Variants in FAM162A observed in about 807,000 individuals in gnomAD.
FAM162A encodes family with sequence similarity 162 member A.
In FAM162A, 23 loss-of-function variants were observed where a neutral mutation model predicts 21.8. That is an observed-to-expected ratio of 1.05 (90% CI 0.76 to 1.49). The LOEUF is 1.49. Ranked by LOEUF, FAM162A falls within the 40% of genes most tolerant of loss-of-function variation. The probability of loss-of-function intolerance (pLI) is 0.00; values close to 1 mark genes in which losing one functional copy is unlikely to be tolerated. For missense variants in FAM162A, 165 were observed against 186.4 expected (o/e 0.89, Z 0.67); for synonymous variants, 53 against 61.3 (o/e 0.86, Z 0.64).
chr3:122,395,680 A>G (rs1258971988), intron 1 of FAM162A, among the ~76,000 whole-genome samples: 2 of 152,206 alleles, frequency 1.3e-5, no homozygotes, highest in Non-Finnish European at 2.9e-5. Flanking sequence ...GAGATTGACA[A>G]GCTGATCCTC....
chr3:122,393,974 C>G (rs958517528), intron 1 of FAM162A, among the ~76,000 whole-genome samples: 1 of 152,106 alleles, frequency 6.6e-6, no homozygotes, highest in African/African-American at 2.4e-5. Context: ...TTAATTGGTT[C>G]ATCGTTCTTC....
intron 3 of FAM162A, among the ~76,000 whole-genome samples, chr3:122,405,229 G>A (rs76599189): frequency 0.12 from 18,537 of 152,218 alleles, 1,354 homozygotes; most frequent in East Asian, 0.32. Context: ...GACAAAGCTC[G>A]TGGAAGTTCC....
chr3:122,384,546 C>T (rs2075564550), intron 1 of FAM162A, among the ~76,000 whole-genome samples: 1 of 152,106 alleles, frequency 6.6e-6, no homozygotes, highest in African/African-American at 2.4e-5. Flanking sequence ...CTTAACTGCC[C>T]ACGCGCCTAC....
chr3:122,389,094 T>C (rs1033926168), intron 1 of FAM162A, among the ~76,000 whole-genome samples: 2 of 151,830 alleles, frequency 1.3e-5, no homozygotes, highest in Non-Finnish European at 2.9e-5. Context: ...AGGTCACTAA[T>C]GTTGGTAGAG....
Position 122,409,845 on chromosome 3 carries a change from G to T in FAM162A, c.*14G>T. 6.2e-7 allele frequency: 1 copy of T among 1,609,910 alleles called. No individual in the cohort carries two copies. Among genetic ancestry groups the T allele is most frequent in the African/African-American group, 1.3e-5 (1 of 74,942 alleles). ...AAAACAGAGTAGCAGAGGTATCCGTGTTGGCTGGATTTTGAAAATCCAGGA... is the reference window on the plus strand; with the variant it reads ...AAAACAGAGTAGCAGAGGTATCCGTTTTGGCTGGATTTTGAAAATCCAGGA... On this transcript the variant is annotated 3_prime_UTR_variant, in exon 5 of 5. Transcript: ENST00000477892.
chr3:122,386,482 G>GT (rs1188068072), intron 1 of FAM162A, among the ~76,000 whole-genome samples: 2 of 150,582 alleles, frequency 1.3e-5, no homozygotes, highest in African/African-American at 4.9e-5. Flanking sequence ...GAGCCCAGAA[G>GT]TTTGAGGCTG....
chr3:122,386,042 A>T (rs1483346406), intron 1 of FAM162A, among the ~76,000 whole-genome samples: 1 of 152,052 alleles, frequency 6.6e-6, no homozygotes, highest in African/African-American at 2.4e-5. Context: ...TAATTCTGGA[A>T]TTTTTGTGCT....
At chr3:122,406,109 A>C (rs1333336088) in intron 3 of FAM162A, among the ~76,000 whole-genome samples, 1 of 152,228 alleles carries the variant, frequency 6.6e-6, no homozygotes, top group African/African-American at 2.4e-5. Context: ...TTTTAAAAGT[A>C]ATATATGTTA....
At chr3:122,408,843 G>T (rs187678621) in intron 4 of FAM162A, among the ~76,000 whole-genome samples, 1 of 152,066 alleles carries the variant, frequency 6.6e-6, no homozygotes, top group African/African-American at 2.4e-5. Flanking sequence ...GTGTATTTTA[G>T]AGAGTTCTTC....
chr3:122,404,482 C>G lies in FAM162A; in HGVS notation c.263+119C>G, dbSNP rs189653852. The G allele has an allele frequency of 7.2e-4, 363 of 502,332 alleles. 1 individual carries two copies. Among genetic ancestry groups the G allele is most frequent in the African/African-American group, 6.8e-3 (341 of 50,004 alleles). The allele number at this position is 502,332 out of a possible 1,614,324, so 31.1% of individuals were successfully genotyped here. A position where few individuals can be genotyped will look rare whatever the true frequency, so the allele number is the denominator to read the frequency against. On this transcript the variant is annotated intron_variant, in intron 3 of 4. Coordinates refer to ENST00000477892, the MANE Select transcript of FAM162A (RefSeq NM_014367.4). ...CAACCAAATTTGAAAACATTTTTCA[C>G]TTTTCCAAATGTTTTATCTTTGGTA...
chr3:122,404,354 A>G lies in FAM162A; in HGVS notation c.254A>G (p.Glu85Gly). The G allele has an allele frequency of 6.3e-7, 1 of 1,583,484 alleles. No individual in the cohort carries two copies. Reference protein sequence around the residue: ...GRFKKEDEIPETVSLEMLDAA... With the variant: ...GRFKKEDEIPGTVSLEMLDAA... Reference sequence around the variant, plus strand: ...TTCAAAAAGGAAGATGAAATCCCAGAGACTGTCTCGTGAGTGCTGAATTTA... The same window carrying G: ...TTCAAAAAGGAAGATGAAATCCCAGGGACTGTCTCGTGAGTGCTGAATTTA... Residue 85 changes from glutamate to glycine, a missense_variant, in exon 3 of 5, where the codon GAG becomes GGG. Physicochemically the swap from Glu to Gly is moderately conservative, Grantham distance 98 (BLOSUM62 -2). Transcript: ENST00000477892.
intron 1 of FAM162A, among the ~76,000 whole-genome samples, 178 bp downstream of exon 1, chr3:122,384,477 A>G (rs1041532641): frequency 1.7e-4 from 26 of 152,178 alleles, no homozygotes; most frequent in African/African-American, 6.0e-4. Context: ...GCAGCTGCTG[A>G]TAGGCATTGG....
intron 3 of FAM162A, among the ~76,000 whole-genome samples, chr3:122,406,563 G>T (rs371007430): frequency 4.6e-5 from 7 of 152,298 alleles, no homozygotes; most frequent in East Asian, 3.9e-4. Flanking sequence ...TCAGTAGATA[G>T]GTTAGAAGAG....
chr3:122,393,606 A>G (rs900432812), intron 1 of FAM162A, among the ~76,000 whole-genome samples: 5 of 152,196 alleles, frequency 3.3e-5, no homozygotes, highest in African/African-American at 1.2e-4. Flanking sequence ...CCCCACTCAC[A>G]GGGCTTATCT....
At chr3:122,405,329 C>A (rs1402153170) in intron 3 of FAM162A, among the ~76,000 whole-genome samples, 1 of 152,158 alleles carries the variant, frequency 6.6e-6, no homozygotes, top group Non-Finnish European at 1.5e-5. Context: ...ATTTCTTTCC[C>A]AGGGAAATAT....
chr3:122,397,797 G>A (rs1377470736), intron 1 of FAM162A, among the ~76,000 whole-genome samples: 1 of 152,156 alleles, frequency 6.6e-6, no homozygotes, highest in Non-Finnish European at 1.5e-5. Flanking sequence ...ATTTTATGAA[G>A]GTATTTCCTA....
At chr3:122,396,250 T>A (rs73188329) in intron 1 of FAM162A, among the ~76,000 whole-genome samples, 2,842 of 152,194 alleles carry the variant, frequency 0.019, 58 homozygotes, top group South Asian at 0.088. Flanking sequence ...AGTGGGAGAC[T>A]ATATTTGCAA....
chr3:122,391,933 T>C (rs752948303), intron 1 of FAM162A, among the ~76,000 whole-genome samples: 14 of 152,206 alleles, frequency 9.2e-5, no homozygotes, highest in Non-Finnish European at 1.0e-4. Flanking sequence ...CTCTGGCACT[T>C]AGTATCTAAC....
At chr3:122,407,549 G>T in intron 4 of FAM162A, 160 bp downstream of exon 4, 1 of 546,812 alleles carries the variant, frequency 1.8e-6, no homozygotes, top group South Asian at 2.9e-5. Flanking sequence ...TTGGGAACAA[G>T]CCTGGAATAT....
Sources: gnomAD v4.1 joint callset for allele counts (sites outside exome capture counted in the v4.1 genomes callset) on GRCh38, gnomAD v4.1.1 for gene constraint, MANE v1.5 for transcripts, NCBI Gene and HGNC (gene_info 2026-07-23, HGNC 2026-07-21) for gene names.